Variants in ATG14 observed in about 807,000 individuals in gnomAD.
ATG14 encodes the protein autophagy related 14, also known as beclin 1-associated autophagy-related key regulator.
Under a neutral mutation model 60.4 loss-of-function variants are expected in ATG14, and 35 were observed. The observed-to-expected ratio is 0.58, with a 90% confidence interval of 0.44 to 0.77. ATG14 has a LOEUF of 0.77. Ranked by LOEUF, ATG14 falls within the 30% of genes least tolerant of loss-of-function variation. The pLI is 0.00. For missense variants in ATG14, 647 were observed against 626.3 expected, an observed-to-expected ratio of 1.03 and a Z score of -0.35; for synonymous variants, 234 against 228.8, an observed-to-expected ratio of 1.02 and a Z score of -0.21.
In ATG14 at chr14:55,382,006, G is replaced by A. The variant is rs1400725608; in HGVS notation, c.833C>T (p.Ala278Val). 6.2e-7 allele frequency: 1 copy of A among 1,614,162 alleles called. No individual in the cohort carries two copies. Among genetic ancestry groups the A allele is most frequent in the Admixed American group, 1.7e-5 (1 of 60,028 alleles). The change falls in exon 6 of 10, where the codon GCC (alanine) becomes GTC (valine). Residue 278 changes from alanine to valine, a missense_variant. Physicochemically the swap from Ala to Val is moderately conservative, Grantham distance 64. Coordinates refer to ENST00000247178, the MANE Select transcript of ATG14 (RefSeq NM_014924.5). ...CTTCTCCTCCACCCAGCTGTAGTAG[G>A]CAGAGTAGTCCCCATTGTTAGGGAG... Reference protein sequence around the residue: ...ISLPNNGDYSAYYSWVEEKKT... With the variant: ...ISLPNNGDYSVYYSWVEEKKT...
At chr14:55,391,097 T>A in intron 3 of ATG14, 105 bp from the exon 4 acceptor site, 2 of 741,160 alleles carry the variant, frequency 2.7e-6, no homozygotes, top group East Asian at 2.9e-5. Flanking sequence ...GAAAACATAA[T>A]GAAGAAAAAG....
At chr14:55,411,560 C>G in intron 1 of ATG14, 42 bp downstream of exon 1, 3 of 1,560,346 alleles carry the variant, frequency 1.9e-6, no homozygotes, top group Non-Finnish European at 2.6e-6. Context: ...GGCTGGAGGA[C>G]ACACAGCAGA....
chr14:55,386,052 A>T lies in ATG14; in HGVS notation c.454T>A (p.Tyr152Asn). ...TCTTGGTGCCGTTGTGCTCGACTGT[A>T]AAGCTTCTGATTCTTTTCCTTGGTT... ...LKTKEKNQKL[Y>N]SRAQRHQEKK... The change falls in exon 5 of 10, where the codon TAC becomes AAC. Residue 152 changes from tyrosine to asparagine, a missense_variant. Physicochemically the swap from Tyr to Asn is moderately radical, Grantham distance 143. Coordinates refer to ENST00000247178, the MANE Select transcript of ATG14 (RefSeq NM_014924.5). 6.2e-7 allele frequency: 1 copy of T among 1,613,160 alleles called. No individual in the cohort carries two copies. Among genetic ancestry groups the T allele is most frequent in the Non-Finnish European group, 8.5e-7 (1 of 1,179,832 alleles).
intron 9 of ATG14, among the ~76,000 whole-genome samples, chr14:55,373,804 C>G (rs1169899093): frequency 1.5e-5 from 2 of 135,304 alleles, no homozygotes; most frequent in Non-Finnish European, 3.2e-5. Flanking sequence ...AAATTTGTTT[C>G]AAAAAAAAAA....
In ATG14 at chr14:55,369,962, A is replaced by G. The variant is rs960136941; in HGVS notation, c.1173-37T>C. ...CAATGAGGGTCTCTTTAGGATAACA[A>G]CCATTCTCAACACCAGAAAATATGC... On this transcript the variant is annotated intron_variant, in intron 9 of 9. Transcript: ENST00000247178. 10 of 1,530,606 alleles carry G rather than the reference A, an allele frequency of 6.5e-6. No individual in the cohort carries two copies. The Middle Eastern group carries it at 8.8e-4, about 134-fold the overall frequency. 94.8% of individuals were successfully genotyped at this position (1,530,606 alleles called of 1,614,324 possible). A position where few individuals can be genotyped will look rare whatever the true frequency, so the allele number is the denominator to read the frequency against.
chr14:55,405,891 G>GA (rs1173978924), intron 1 of ATG14, among the ~76,000 whole-genome samples: 1 of 151,910 alleles, frequency 6.6e-6, no homozygotes. Context: ...TGGGGTGGCG[G>GA]GGGGGGCAGG....
chr14:55,380,711 CCAT>C, intron 6 of ATG14, 21 bp from the exon 7 acceptor site: 1 of 1,516,836 alleles, frequency 6.6e-7, no homozygotes, highest in Non-Finnish European at 9.0e-7. Context: ...AAAACAACCA[CCAT>C]GTACAAAACC....
At chr14:55,373,956 C>G (rs984080880) in intron 9 of ATG14, among the ~76,000 whole-genome samples, 5 of 152,192 alleles carry the variant, frequency 3.3e-5, no homozygotes, top group African/African-American at 1.2e-4. Flanking sequence ...TCCTGAAGTT[C>G]TACTTCCTGT....
chr14:55,385,966 G>A lies in ATG14; in HGVS notation c.540C>T (p.Thr180=). 1 of 1,614,118 alleles carries A rather than the reference G, an allele frequency of 6.2e-7. No individual in the cohort carries two copies. Among genetic ancestry groups the A allele is most frequent in the Non-Finnish European group, 8.5e-7 (1 of 1,180,004 alleles). ...GCTCATAATGACTTCTTAAGTCAAT[G>A]GTCTTTTTTTCTACCAGGTCACCAA... ...RKLGDLVEKK[T]IDLRSHYERL... is the part of the protein sequence containing the mutation. Residue 180 remains threonine, a synonymous_variant, in exon 5 of 10, where the codon ACC becomes ACT. Coordinates refer to ENST00000247178, the MANE Select transcript of ATG14 (RefSeq NM_014924.5).
chr14:55,370,660 TAGAC>T (rs771494108), intron 9 of ATG14, among the ~76,000 whole-genome samples: 8 of 151,924 alleles, frequency 5.3e-5, no homozygotes, highest in Admixed American at 1.3e-4. Context: ...TTTTTTTATT[TAGAC>T]AGAGTCTCGT....
chr14:55,378,200 C>G, intron 7 of ATG14, 126 bp from the exon 8 acceptor site: 1 of 710,220 alleles, frequency 1.4e-6, no homozygotes, highest in Non-Finnish European at 2.4e-6. Context: ...GTAAATTGCA[C>G]TTAAAGACTT....
chr14:55,388,878 G>T (rs17742719), intron 4 of ATG14, among the ~76,000 whole-genome samples: 19,501 of 152,134 alleles, frequency 0.13, 1,654 homozygotes, highest in Non-Finnish European at 0.17. Context: ...GTCTAGATCT[G>T]GGCCCATCTG....
At chr14:55,411,087 A>G (rs758979529) in intron 1 of ATG14, among the ~76,000 whole-genome samples, 9 of 152,222 alleles carry the variant, frequency 5.9e-5, no homozygotes, top group Non-Finnish European at 1.2e-4. Context: ...GGGCGTTAAC[A>G]GCAAGCCTCA....
intron 3 of ATG14, among the ~76,000 whole-genome samples, chr14:55,391,691 C>T (rs1885220797): frequency 6.6e-6 from 1 of 152,126 alleles, no homozygotes; most frequent in Non-Finnish European, 1.5e-5. Flanking sequence ...AAATGTTTGA[C>T]ATCACATATG....
chr14:55,402,155 A>G (rs1043617713), intron 1 of ATG14, among the ~76,000 whole-genome samples: 1 of 152,122 alleles, frequency 6.6e-6, no homozygotes, highest in African/African-American at 2.4e-5. Context: ...AACTAGCCTC[A>G]CCGTAACACC....
chr14:55,390,035 G>C (rs1440942492), intron 4 of ATG14, among the ~76,000 whole-genome samples: 1 of 151,324 alleles, frequency 6.6e-6, no homozygotes, highest in Non-Finnish European at 1.5e-5. Context: ...AAGACTCTGA[G>C]CTTCCTGCTA....
chr14:55,373,761 A>C (rs1292785490), intron 9 of ATG14, among the ~76,000 whole-genome samples: 1 of 149,860 alleles, frequency 6.7e-6, no homozygotes, highest in East Asian at 1.9e-4. Flanking sequence ...GCCTGGTCCT[A>C]TTTTTATTTT....
rs1332721937 is a variant in ATG14 at position 55,378,209 on chromosome 14, T to G, written c.996-135A>C. 5 of 664,988 alleles carry G rather than the reference T, an allele frequency of 7.5e-6. No individual in the cohort carries two copies. In the East Asian group the frequency reaches 1.4e-4, roughly 18 times the overall value. The allele number at this position is 664,988 out of a possible 1,614,324, so 41.2% of individuals were successfully genotyped here. The stretch of plus-strand genomic sequence containing the variant: ...TCCTTAGTAAATTGCACTTAAAGAC[T>G]TTCTAAGAATACACCATTCCCCTCA... On this transcript the variant is annotated intron_variant, in intron 7 of 9. Coordinates refer to ENST00000247178, the MANE Select transcript of ATG14 (RefSeq NM_014924.5).
intron 4 of ATG14, among the ~76,000 whole-genome samples, chr14:55,389,242 A>G (rs138621690): frequency 1.4e-3 from 217 of 152,198 alleles, no homozygotes; most frequent in African/African-American, 5.0e-3. Flanking sequence ...AAATTCAGCA[A>G]TTTTCAGGAG....
Sources: allele counts gnomAD v4.1 joint callset (sites outside exome capture counted in the v4.1 genomes callset), GRCh38; gene constraint gnomAD v4.1.1; transcripts MANE v1.5; gene names NCBI Gene and HGNC (gene_info 2026-07-23, HGNC 2026-07-21).